The following ATL1 variants were observed in gnomAD, a reference collection of about 807,000 sequenced individuals.
ATL1 encodes atlastin GTPase 1.
ATL1 carries 31 observed loss-of-function variants against 75.5 expected under a neutral mutation model. That is an observed-to-expected ratio of 0.41 (90% CI 0.31 to 0.55). The LOEUF (loss-of-function observed/expected upper bound fraction) is 0.55, where lower values mean the gene tolerates loss of function less well. ATL1 is among the 20% of genes least tolerant of loss of function. ATL1 has a pLI of 0.27. For missense variants in ATL1, 405 were observed against 662.6 expected, an observed-to-expected ratio of 0.61 and a Z score of 4.27; for synonymous variants, 226 against 233.3, an observed-to-expected ratio of 0.97 and a Z score of 0.28.
At chr14:50,599,798 GA>G (rs1293472293) in intron 6 of ATL1, among the ~76,000 whole-genome samples, 1 of 152,090 alleles carries the variant, frequency 6.6e-6, no homozygotes, top group Non-Finnish European at 1.5e-5. Flanking sequence ...TGAGGAATGG[GA>G]GTGAGGATCT....
intron 6 of ATL1, among the ~76,000 whole-genome samples, chr14:50,613,017 G>A (rs888739039): frequency 5.9e-5 from 9 of 151,890 alleles, no homozygotes; most frequent in Non-Finnish European, 1.2e-4. Flanking sequence ...ATCTCTCAGT[G>A]GGGTGCGTTC....
chr14:50,587,798 A>G (rs2039116528), intron 1 of ATL1, 33 bp from the exon 2 acceptor site: 1 of 1,613,958 alleles, frequency 6.2e-7, no homozygotes, highest in Non-Finnish European at 8.5e-7. Context: ...CTTTGAGATG[A>G]TTAGCTGAAC....
intron 1 of ATL1, among the ~76,000 whole-genome samples, chr14:50,577,804 A>G (rs2039019212): frequency 6.6e-6 from 1 of 152,138 alleles, no homozygotes; most frequent in African/African-American, 2.4e-5. Flanking sequence ...TGTTTTCAGG[A>G]TTCATCCTAT....
At chr14:50,563,444 A>G (rs1203421054) in intron 1 of ATL1, among the ~76,000 whole-genome samples, 3 of 152,222 alleles carry the variant, frequency 2.0e-5, no homozygotes, top group Non-Finnish European at 2.9e-5. Flanking sequence ...CTTAAAAAAG[A>G]AGACAGTGAA....
At chr14:50,621,599 T>C (rs931908235) in intron 9 of ATL1, among the ~76,000 whole-genome samples, 2 of 151,928 alleles carry the variant, frequency 1.3e-5, no homozygotes, top group African/African-American at 4.8e-5. Context: ...TTAAAGGGAG[T>C]GGCATTGAGT....
At chr14:50,604,883 T>C (rs1189592941) in intron 6 of ATL1, among the ~76,000 whole-genome samples, 2 of 152,020 alleles carry the variant, frequency 1.3e-5, no homozygotes, top group Non-Finnish European at 2.9e-5. Flanking sequence ...GTACTGTATA[T>C]GGTACCATCA....
chr14:50,564,162 T>C (rs1186516665), intron 1 of ATL1, among the ~76,000 whole-genome samples: 2 of 152,150 alleles, frequency 1.3e-5, no homozygotes, highest in African/African-American at 4.8e-5. Context: ...CAGATAAGTA[T>C]CAGAAACAGT....
chr14:50,558,439 C>G (rs1292287519), upstream of ATL1, among the ~76,000 whole-genome samples: 2 of 152,140 alleles, frequency 1.3e-5, no homozygotes, highest in African/African-American at 2.4e-5. Context: ...AGGCAAGGAT[C>G]AATGGATGCT....
In ATL1 at chr14:50,613,434, G is replaced by A. The variant is rs923153084; in HGVS notation, c.723+83G>A. ...GGATCATTTGGTGAATAGATACTCA[G>A]TAGCCACTAGCCGCAATCTCATTTG... On this transcript the variant is annotated intron_variant, in intron 7 of 13. Transcript: ENST00000358385. The A allele has an allele frequency of 9.1e-6, 9 of 989,162 alleles. No homozygotes were observed. In the African/African-American group the frequency reaches 1.1e-4, roughly 12 times the overall value. The allele number at this position is 989,162 out of a possible 1,614,324, so 61.3% of individuals were successfully genotyped here.
intron 1 of ATL1, among the ~76,000 whole-genome samples, chr14:50,579,049 A>T (rs2039032615): frequency 6.6e-6 from 1 of 152,154 alleles, no homozygotes; most frequent in African/African-American, 2.4e-5. Flanking sequence ...GATGGTGAAT[A>T]TCTTTTTATA....
chr14:50,560,366 T>C (rs891908870), intron 1 of ATL1, 67 bp downstream of exon 1: 2 of 1,585,188 alleles, frequency 1.3e-6, no homozygotes, highest in African/African-American at 2.7e-5. Context: ...TCTGCTTCTG[T>C]GGAGACAGGG....
intron 6 of ATL1, among the ~76,000 whole-genome samples, chr14:50,610,643 A>C (rs2140223656): frequency 6.6e-6 from 1 of 152,294 alleles, no homozygotes; most frequent in South Asian, 2.1e-4. Flanking sequence ...AGCAGAGTGT[A>C]AATATTTTAA....
chr14:50,620,125 G>C (rs1305131800), intron 8 of ATL1, among the ~76,000 whole-genome samples: 1 of 152,186 alleles, frequency 6.6e-6, no homozygotes, highest in Non-Finnish European at 1.5e-5. Flanking sequence ...GGGCATAGTG[G>C]TGTGTGCCTG....
chr14:50,536,486 A>G (rs1226550766), intron 1 of ATL1, among the ~76,000 whole-genome samples: 1 of 152,146 alleles, frequency 6.6e-6, no homozygotes, highest in Non-Finnish European at 1.5e-5. Flanking sequence ...GATGTTGCTG[A>G]AAAGTTACCT....
At chr14:50,535,206 A>G (rs2140138463) in intron 1 of ATL1, among the ~76,000 whole-genome samples, 1 of 152,368 alleles carries the variant, frequency 6.6e-6, no homozygotes, top group Non-Finnish European at 1.5e-5. Flanking sequence ...GTTCTTCAGT[A>G]AAATGCTGAC....
chr14:50,542,290 G>A (rs1029814808), intron 1 of ATL1, among the ~76,000 whole-genome samples: 2 of 149,824 alleles, frequency 1.3e-5, no homozygotes, highest in African/African-American at 2.5e-5. Flanking sequence ...GGTGTCGGGG[G>A]GAGGGGGTTG....
chr14:50,582,689 G>A (rs2039068058), intron 1 of ATL1, among the ~76,000 whole-genome samples: 1 of 151,272 alleles, frequency 6.6e-6, no homozygotes, highest in Admixed American at 6.6e-5. Flanking sequence ...GCCTCCCAAA[G>A]TGCTGGGATT....
chr14:50,625,660 G>GCACTTTGGGAGGCCCAA (rs1186446879), intron 11 of ATL1, among the ~76,000 whole-genome samples: 2 of 152,038 alleles, frequency 1.3e-5, no homozygotes, highest in Non-Finnish European at 2.9e-5. Flanking sequence ...GCTCACACCT[G>GCACTTTGGGAGGCCCAA]CACTTTGGGA....
chr14:50,574,913 G>C (rs868088158), intron 1 of ATL1, among the ~76,000 whole-genome samples: 1 of 36,190 alleles, frequency 2.8e-5, no homozygotes, highest in African/African-American at 1.5e-4. Flanking sequence ...TACTGAGTGT[G>C]TGTGTGTGTG....
Sources: allele counts gnomAD v4.1 joint callset (sites outside exome capture counted in the v4.1 genomes callset), GRCh38; gene constraint gnomAD v4.1.1; transcripts MANE v1.5; gene names NCBI Gene and HGNC (gene_info 2026-07-23, HGNC 2026-07-21).